Variants in AFAP1L1 observed in about 807,000 individuals in gnomAD.
AFAP1L1 encodes the protein actin filament-associated protein 1-like 1.
In AFAP1L1, 77 loss-of-function variants were observed where a neutral mutation model predicts 99.8. That is an observed-to-expected ratio of 0.77 (90% CI 0.64 to 0.93). The LOEUF (loss-of-function observed/expected upper bound fraction) is 0.93. AFAP1L1 is among the 40% of genes least tolerant of loss of function. AFAP1L1 has a pLI of 0.00. For missense variants in AFAP1L1, 893 were observed against 996.8 expected (o/e 0.90, Z 1.40); for synonymous variants, 373 against 395.3 (o/e 0.94, Z 0.67).
chr5:149,299,481 G>C (rs2127593743), intron 1 of AFAP1L1, 28 bp from the exon 2 acceptor site: 3 of 1,613,232 alleles, frequency 1.9e-6, no homozygotes, highest in Non-Finnish European at 2.5e-6. Context: ...GTGCAGCTGT[G>C]ACTGTGCCCG....
At chr5:149,309,451 T>G (rs1014503716) in intron 7 of AFAP1L1, among the ~76,000 whole-genome samples, 3 of 152,224 alleles carry the variant, frequency 2.0e-5, no homozygotes, top group African/African-American at 7.2e-5. Flanking sequence ...GATTGGGTTA[T>G]GAGAGAAATT....
chr5:149,292,405 A>G (rs747624647), intron 1 of AFAP1L1, among the ~76,000 whole-genome samples: 1 of 152,200 alleles, frequency 6.6e-6, no homozygotes, highest in Admixed American at 6.5e-5. Context: ...AATTTCTGCT[A>G]TCTAACATCT....
rs1413236796 is a variant in AFAP1L1 at position 149,322,620 on chromosome 5, G to T, written c.1713G>T (p.Glu571Asp). Reference protein sequence around the residue: ...PYEKMQDEEPERPTGAQVKRH... With the variant: ...PYEKMQDEEPDRPTGAQVKRH... The stretch of plus-strand genomic sequence containing the variant: ...TCTCCCACCAGGACGAGGAGCCCGA[G>T]CGCCCCACAGGGGCCCAGGTGAAGC... Residue 571 changes from glutamate (E) to aspartate (D), a missense_variant, in exon 15 of 19, where the codon GAG becomes GAT. Transcript: ENST00000296721. 6.3e-7 allele frequency: 1 copy of T among 1,579,748 alleles called. No individual in the cohort carries two copies. The highest frequency in any genetic ancestry group is 1.2e-5 in the South Asian group (1 of 86,238).
chr5:149,291,524 C>CAAAAAA (rs1229134807), intron 1 of AFAP1L1, among the ~76,000 whole-genome samples: 18 of 13,362 alleles, frequency 1.3e-3, no homozygotes, highest in Non-Finnish European at 1.4e-3. Flanking sequence ...GACTCCGTCT[C>CAAAAAA]AAAAAAAAAA....
At chr5:149,292,996 C>T (rs1025809633) in intron 1 of AFAP1L1, among the ~76,000 whole-genome samples, 2 of 152,218 alleles carry the variant, frequency 1.3e-5, no homozygotes, top group South Asian at 2.1e-4. Flanking sequence ...TTCGCCAGCT[C>T]CTTGTGCCAC....
intron 1 of AFAP1L1, among the ~76,000 whole-genome samples, chr5:149,275,442 TTTCTTC>T (rs201488006): frequency 6.6e-6 from 1 of 150,788 alleles, no homozygotes; most frequent in Non-Finnish European, 1.5e-5. Context: ...ATCTCTGGTG[TTTCTTC>T]TTCTTCTTCT....
At chr5:149,311,417 G>T (rs887040544) in intron 8 of AFAP1L1, among the ~76,000 whole-genome samples, 1 of 152,210 alleles carries the variant, frequency 6.6e-6, no homozygotes, top group Non-Finnish European at 1.5e-5. Context: ...TGAACTGCCT[G>T]CATTTAGTTT....
intron 1 of AFAP1L1, among the ~76,000 whole-genome samples, chr5:149,281,336 C>G (rs184276779): frequency 1.2e-3 from 177 of 152,284 alleles, no homozygotes; most frequent in Non-Finnish European, 1.7e-3. Flanking sequence ...GATGCAATAA[C>G]TAAGGTTCAA....
chr5:149,282,092 C>T (rs1755536227), intron 1 of AFAP1L1, among the ~76,000 whole-genome samples: 2 of 152,180 alleles, frequency 1.3e-5, no homozygotes, highest in Non-Finnish European at 2.9e-5. Context: ...CGGGGAATCC[C>T]AGCCTTGCCC....
chr5:149,296,157 C>G (rs1037588912), intron 1 of AFAP1L1, among the ~76,000 whole-genome samples: 1 of 152,132 alleles, frequency 6.6e-6, no homozygotes, highest in Non-Finnish European at 1.5e-5. Flanking sequence ...CCCCAGTCTC[C>G]TGAGTAGCTG....
chr5:149,336,492 T>C (rs558645528), intron 18 of AFAP1L1, among the ~76,000 whole-genome samples: 141 of 152,316 alleles, frequency 9.3e-4, no homozygotes, highest in Middle Eastern at 3.4e-3. Flanking sequence ...ACCTGGATCA[T>C]TTATAAAGAA....
At chr5:149,293,437 CT>C (rs869074182) in intron 1 of AFAP1L1, among the ~76,000 whole-genome samples, 1 of 152,188 alleles carries the variant, frequency 6.6e-6, no homozygotes, top group East Asian at 1.9e-4. Flanking sequence ...ACACAAAATA[CT>C]TTTTCCCCCA....
chr5:149,324,945 C>CCAATATCCT (rs1757053855), intron 15 of AFAP1L1, among the ~76,000 whole-genome samples: 1 of 152,122 alleles, frequency 6.6e-6, no homozygotes, highest in African/African-American at 2.4e-5. Flanking sequence ...CTGTCATTCT[C>CCAATATCCT]CAATATCCTA....
chr5:149,329,909 C>T (rs764449939), intron 16 of AFAP1L1, 79 bp downstream of exon 16: 29 of 1,304,480 alleles, frequency 2.2e-5, no homozygotes, highest in Non-Finnish European at 2.8e-5. Context: ...GTCTCTTGCA[C>T]AAGTCACCTG....
At chr5:149,329,513 A>G (rs1757190854) in intron 15 of AFAP1L1, among the ~76,000 whole-genome samples, 153 bp from the exon 16 acceptor site, 1 of 152,178 alleles carries the variant, frequency 6.6e-6, no homozygotes, top group Admixed American at 6.5e-5. Context: ...TTATTTCCTT[A>G]GAGGATTCAC....
At chr5:149,296,870 A>G (rs1756035319) in intron 1 of AFAP1L1, among the ~76,000 whole-genome samples, 1 of 152,210 alleles carries the variant, frequency 6.6e-6, no homozygotes, top group Non-Finnish European at 1.5e-5. Context: ...ATCATGTCAG[A>G]AGGGGAAGCA....
chr5:149,335,972 G>T (rs1310531208), intron 18 of AFAP1L1, among the ~76,000 whole-genome samples: 1 of 152,190 alleles, frequency 6.6e-6, no homozygotes, highest in African/African-American at 2.4e-5. Flanking sequence ...TGTGTTTTCA[G>T]ACAGGACAGG....
intron 1 of AFAP1L1, among the ~76,000 whole-genome samples, chr5:149,293,040 A>G (rs1019838022): frequency 6.6e-6 from 1 of 152,218 alleles, no homozygotes; most frequent in Non-Finnish European, 1.5e-5. Context: ...GGCCAGAGCC[A>G]TGAATAGTTC....
At chr5:149,289,707 C>T (rs1230425583) in intron 1 of AFAP1L1, among the ~76,000 whole-genome samples, 7 of 152,174 alleles carry the variant, frequency 4.6e-5, no homozygotes, top group African/African-American at 1.7e-4. Context: ...TTGGAAGAGT[C>T]TGTGGGCAGG....
Sources: allele counts gnomAD v4.1 joint callset (sites outside exome capture counted in the v4.1 genomes callset), GRCh38; gene constraint gnomAD v4.1.1; transcripts MANE v1.5; gene names NCBI Gene and HGNC (gene_info 2026-07-23, HGNC 2026-07-21).